PRKAG2: variants seen among roughly 807,000 people sequenced by gnomAD.
PRKAG2 encodes the protein protein kinase AMP-activated non-catalytic subunit gamma 2.
PRKAG2 carries 26 observed loss-of-function variants against 69.6 expected under a neutral mutation model. The observed-to-expected ratio is 0.37, with a 90% CI of 0.27 to 0.52. The LOEUF is 0.52. PRKAG2 is among the 20% of genes least tolerant of loss of function. PRKAG2 has a pLI of 0.90. For missense variants in PRKAG2, 557 were observed against 740.0 expected (o/e 0.75, Z 2.87); for synonymous variants, 293 against 285.0 (o/e 1.03, Z -0.28).
chr7:151,654,287 C>T (rs1353202936), intron 4 of PRKAG2, among the ~76,000 whole-genome samples: 3 of 152,168 alleles, frequency 2.0e-5, no homozygotes, highest in Admixed American at 6.5e-5. Context: ...TCCCCTGGCC[C>T]GCCTTCTGTG....
At chr7:151,875,562 G>GGT (rs55660204) in intron 1 of PRKAG2, among the ~76,000 whole-genome samples, 10,770 of 130,894 alleles carry the variant, frequency 0.082, 433 homozygotes, top group East Asian at 0.11. Context: ...GGAGCACTCT[G>GGT]GTGTGTGTGT....
intron 3 of PRKAG2, among the ~76,000 whole-genome samples, chr7:151,737,193 CAA>C: frequency 6.6e-6 from 1 of 152,006 alleles, no homozygotes; most frequent in Non-Finnish European, 1.5e-5. Context: ...TGAACTAAGA[CAA>C]GACCAGGTCA....
intron 3 of PRKAG2, among the ~76,000 whole-genome samples, chr7:151,676,895 G>A (rs1478870495): frequency 6.6e-6 from 1 of 152,196 alleles, no homozygotes; most frequent in Non-Finnish European, 1.5e-5. Flanking sequence ...TGCTGGCAGA[G>A]GCAGCGATCG....
chr7:151,657,049 A>G (rs1233916495), intron 4 of PRKAG2, among the ~76,000 whole-genome samples: 1 of 150,718 alleles, frequency 6.6e-6, no homozygotes, highest in African/African-American at 2.4e-5. Context: ...AGACAGGAGG[A>G]TGGCTTGAAC....
intron 1 of PRKAG2, chr7:151,810,875 G>A (rs1469388811): frequency 6.5e-6 from 1 of 153,744 alleles, no homozygotes; most frequent in Admixed American, 6.5e-5. Flanking sequence ...TCAGAGCACA[G>A]GGGGAGAGGT....
intron 1 of PRKAG2, among the ~76,000 whole-genome samples, chr7:151,827,756 A>AAAAAAAC (rs2078935479): frequency 2.0e-5 from 3 of 148,628 alleles, no homozygotes; most frequent in African/African-American, 2.5e-5. Context: ...AAAAAAAAAA[A>AAAAAAAC]AAAAAAAAAA....
intron 1 of PRKAG2, among the ~76,000 whole-genome samples, chr7:151,853,749 G>A (rs766789475): frequency 7.8e-6 from 1 of 127,938 alleles, no homozygotes. Flanking sequence ...AACACAGTGA[G>A]ACTCCGTCTC....
At chr7:151,727,913 G>A (rs1273804662) in intron 3 of PRKAG2, among the ~76,000 whole-genome samples, 1 of 152,210 alleles carries the variant, frequency 6.6e-6, no homozygotes, top group East Asian at 1.9e-4. Context: ...TCCTGGGTCT[G>A]CTTTGAGCCC....
At chr7:151,726,950 T>A (rs970031193) in intron 3 of PRKAG2, among the ~76,000 whole-genome samples, 7 of 152,252 alleles carry the variant, frequency 4.6e-5, no homozygotes, top group Non-Finnish European at 8.8e-5. Context: ...GCGCGGTGGC[T>A]CACACCTGTA....
At chr7:151,795,122 A>G (rs1043158304) in intron 1 of PRKAG2, among the ~76,000 whole-genome samples, 4 of 152,098 alleles carry the variant, frequency 2.6e-5, no homozygotes, top group Non-Finnish European at 4.4e-5. Flanking sequence ...CTCATCACAC[A>G]TGCTTGTCTT....
At chr7:151,658,420 G>A (rs952628123) in intron 4 of PRKAG2, among the ~76,000 whole-genome samples, 1 of 149,168 alleles carries the variant, frequency 6.7e-6, no homozygotes, top group Admixed American at 6.7e-5. Flanking sequence ...GGGAGGCAAA[G>A]GTTGCAGTAA....
At chr7:151,856,329 C>T (rs1211599649) in intron 1 of PRKAG2, among the ~76,000 whole-genome samples, 1 of 152,250 alleles carries the variant, frequency 6.6e-6, no homozygotes. Flanking sequence ...TTTCCAAGGC[C>T]CGCGCAGCCG....
chr7:151,865,350 A>G (rs1482535772), intron 1 of PRKAG2, among the ~76,000 whole-genome samples: 1 of 152,274 alleles, frequency 6.6e-6, no homozygotes, highest in African/African-American at 2.4e-5. Context: ...GAGATCGGCC[A>G]AGCCAGCCCC....
intron 3 of PRKAG2, among the ~76,000 whole-genome samples, chr7:151,715,156 C>T (rs1465469967): frequency 1.4e-5 from 2 of 147,702 alleles, no homozygotes; most frequent in African/African-American, 2.5e-5. Flanking sequence ...GCTGGGATTA[C>T]AGGTGCGTGC....
At chr7:151,733,602 T>A (rs533508166) in intron 3 of PRKAG2, among the ~76,000 whole-genome samples, 1 of 152,324 alleles carries the variant, frequency 6.6e-6, no homozygotes, top group African/African-American at 2.4e-5. Flanking sequence ...ATTACTTAAA[T>A]AAAAGTCATC....
rs1410567243 is a variant in PRKAG2, at chr7:151,814,682, T to C, written c.115-28141A>G. On this transcript the variant is annotated intron_variant, in intron 1 of 15. Coordinates refer to ENST00000287878, the MANE Select transcript of PRKAG2 (RefSeq NM_016203.4). The surrounding 1 kb of genome is among the most constrained non-coding windows in gnomAD (Gnocchi z 4.8). ...GGACCGGGGCTGGGTGTGTTCCCAG[T>C]CCCCAAGGCAGCGCAACAAGCGGCT... 2 of 1,231,562 alleles carry C rather than the reference T, an allele frequency of 1.6e-6. No homozygotes were observed. Among genetic ancestry groups the C allele is most frequent in the East Asian group, 6.3e-5 (2 of 31,710 alleles). The allele number at this position is 1,231,562 out of a possible 1,614,324, so 76.3% of individuals were successfully genotyped here.
intron 1 of PRKAG2, among the ~76,000 whole-genome samples, chr7:151,821,103 TG>T (rs2078768776): frequency 3.3e-4 from 1 of 3,058 alleles, no homozygotes; most frequent in Non-Finnish European, 1.3e-3. Flanking sequence ...ACATCGTGTG[TG>T]GCACAGACAG....
intron 2 of PRKAG2, among the ~76,000 whole-genome samples, chr7:151,782,062 A>T (rs2076699041): frequency 6.6e-6 from 1 of 152,058 alleles, no homozygotes; most frequent in Non-Finnish European, 1.5e-5. Context: ...AACTGAGGTC[A>T]GGAGTTTGAA....
chr7:151,715,608 G>C (rs1024370733), intron 3 of PRKAG2, among the ~76,000 whole-genome samples: 1 of 151,734 alleles, frequency 6.6e-6, no homozygotes, highest in Non-Finnish European at 1.5e-5. Context: ...CACCTGCCTC[G>C]GCCTCCCAAA....
Sources: gnomAD v4.1 joint callset for allele counts (sites outside exome capture counted in the v4.1 genomes callset) on GRCh38, gnomAD v4.1.1 for gene constraint, Gnocchi (gnomAD v3.1) non-coding constraint, MANE v1.5 for transcripts, NCBI Gene and HGNC (gene_info 2026-07-23, HGNC 2026-07-21) for gene names.